SKIL: variants seen among roughly 807,000 people sequenced by gnomAD.
SKIL encodes the protein ski-like protein.
In SKIL, 20 loss-of-function variants were observed where a neutral mutation model predicts 69.6. The observed-to-expected ratio is 0.29, with a 90% CI of 0.20 to 0.42. SKIL has a LOEUF of 0.42. Among genes scored for constraint, SKIL ranks in the 10% least tolerant of loss-of-function variants. The pLI is 1.00. For synonymous variants in SKIL, 310 were observed against 279.9 expected (o/e 1.11, Z -1.08); for missense variants, 745 against 783.1 (o/e 0.95, Z 0.58).
rs1416913038 is a variant in SKIL at position 170,393,541 on chromosome 3, G to T, written c.*1124G>T. On this transcript the variant is annotated 3_prime_UTR_variant, in exon 7 of 7. Coordinates refer to ENST00000259119, the MANE Select transcript of SKIL (RefSeq NM_005414.5). The stretch of plus-strand genomic sequence containing the variant: ...TTTTAGATAAGTTTTAGAAGATAAA[G>T]GAATTCCATAGTTTCAGGAGGGACA... 2.6e-5 allele frequency: 4 copies of T among 152,078 alleles called. No homozygotes were observed. Among genetic ancestry groups the T allele is most frequent in the African/African-American group, 4.8e-5 (2 of 41,418 alleles). 9.4% of individuals were successfully genotyped at this position (152,078 alleles called of 1,614,324 possible).
At chr3:170,361,640 G>T (rs1736240475) in intron 2 of SKIL, among the ~76,000 whole-genome samples, 1 of 152,122 alleles carries the variant, frequency 6.6e-6, no homozygotes, top group Non-Finnish European at 1.5e-5. Context: ...TGTGAGAGAA[G>T]TAAGACTATT....
In SKIL at chr3:170,384,591, G is replaced by A. The variant is rs944952146; in HGVS notation, c.1255G>A (p.Val419Ile). The change falls in exon 4 of 7, where the codon GTA (valine) becomes ATA (isoleucine). Residue 419 changes from valine (V) to isoleucine (I), a missense_variant. By Grantham distance (29) the Val-to-Ile change is conservative. Coordinates refer to ENST00000259119, the MANE Select transcript of SKIL (RefSeq NM_005414.5). ...CCCAAATGTGTCACTTACTTCTGCTGTATCCCAGTCTAAAGAGCTCACAAA... is the reference window on the plus strand; with the variant it reads ...CCCAAATGTGTCACTTACTTCTGCTATATCCCAGTCTAAAGAGCTCACAAA... ...VAPNVSLTSA[V>I]SQSKELTKTE... is the part of the protein sequence containing the mutation. 1 of 1,613,088 alleles carries A rather than the reference G, an allele frequency of 6.2e-7. No individual in the cohort carries two copies. The highest frequency in any genetic ancestry group is 8.5e-7 in the Non-Finnish European group (1 of 1,179,254).
intron 6 of SKIL, among the ~76,000 whole-genome samples, chr3:170,391,573 C>T (rs895717018): frequency 3.9e-5 from 6 of 152,090 alleles, no homozygotes; most frequent in African/African-American, 1.2e-4. Flanking sequence ...CCCACCTCAG[C>T]CTCCCAAAAT....
intron 2 of SKIL, among the ~76,000 whole-genome samples, chr3:170,367,015 A>T (rs1472601134): frequency 6.6e-6 from 1 of 152,266 alleles, no homozygotes; most frequent in African/African-American, 2.4e-5. Context: ...AATCATTTGT[A>T]AATAAAATTT....
In SKIL at chr3:170,395,475, A is replaced by G. The variant is rs1395626432; in HGVS notation, c.*3058A>G. On this transcript the variant is annotated 3_prime_UTR_variant, in exon 7 of 7. Transcript: ENST00000259119. The stretch of plus-strand genomic sequence containing the variant: ...CGAATTGTAAAGCAGCTATTAAAGT[A>G]GGTGAAATAAAGTATATATTTGCCG... 6.6e-6 allele frequency: 1 copy of G among 152,170 alleles called. No individual in the cohort carries two copies. The highest frequency in any genetic ancestry group is 6.5e-5 in the Admixed American group (1 of 15,280). 9.4% of individuals were successfully genotyped at this position (152,170 alleles called of 1,614,324 possible). A position where few individuals can be genotyped will look rare whatever the true frequency, so the allele number is the denominator to read the frequency against.
chr3:170,361,007 G>T lies in SKIL; in HGVS notation c.676G>T (p.Ala226Ser). Residue 226 changes from alanine (A) to serine (S), a missense_variant, in exon 2 of 7, where the codon GCA becomes TCA. Coordinates refer to ENST00000259119, the MANE Select transcript of SKIL (RefSeq NM_005414.5). ...PSCGLITLTDAQRLCNALLRP... is the reference protein window; with the variant it reads ...PSCGLITLTDSQRLCNALLRP... ...CTGTGGGCTGATTACATTAACTGAT[G>T]CACAAAGATTATGTAATGCTTTATT... 6.2e-7 allele frequency: 1 copy of T among 1,614,122 alleles called. No individual in the cohort carries two copies. The highest frequency in any genetic ancestry group is 8.5e-7 in the Non-Finnish European group (1 of 1,180,004).
intron 2 of SKIL, among the ~76,000 whole-genome samples, chr3:170,363,597 T>C (rs1158241700): frequency 6.6e-6 from 1 of 152,128 alleles, no homozygotes; most frequent in East Asian, 1.9e-4. Flanking sequence ...GTGATTCTCC[T>C]GCCTCAGCCT....
Position 170,381,256 on chromosome 3 carries a change from T to C in SKIL, c.1111T>C (p.Ser371Pro). ...KRNQSKTDAP[S>P]GMELQSWYPV... ...TGTTTTTCTGCAGACAGATGCACCA[T>C]CAGGAATGGAATTACAGTCATGGTA... The change falls in exon 3 of 7, where the codon TCA (serine) becomes CCA (proline). Residue 371 changes from serine to proline, a missense_variant. Ser to Pro is a moderately conservative substitution (Grantham distance 74). Transcript: ENST00000259119. 6.4e-7 allele frequency: 1 copy of C among 1,564,474 alleles called. No homozygotes were observed. Among genetic ancestry groups the C allele is most frequent in the Non-Finnish European group, 8.8e-7 (1 of 1,134,826 alleles).
intron 2 of SKIL, among the ~76,000 whole-genome samples, chr3:170,366,631 C>G (rs1736526725): frequency 6.6e-6 from 1 of 152,000 alleles, no homozygotes; most frequent in African/African-American, 2.4e-5. Context: ...CGAGTTCACA[C>G]TGCCCTTCAT....
At chr3:170,387,611 C>T (rs1737701950) in intron 4 of SKIL, among the ~76,000 whole-genome samples, 1 of 151,858 alleles carries the variant, frequency 6.6e-6, no homozygotes, top group Admixed American at 6.6e-5. Flanking sequence ...ATTGGGTCTA[C>T]TTTTTGGCAA....
At chr3:170,375,781 T>A (rs1737004404) in intron 2 of SKIL, among the ~76,000 whole-genome samples, 1 of 152,008 alleles carries the variant, frequency 6.6e-6, no homozygotes. Flanking sequence ...GGTCTCTCTA[T>A]GTTGTCCAGG....
At chr3:170,362,660 C>G (rs1358898399) in intron 2 of SKIL, among the ~76,000 whole-genome samples, 2 of 151,490 alleles carry the variant, frequency 1.3e-5, no homozygotes, top group African/African-American at 4.9e-5. Context: ...ACTAAAAATA[C>G]AAAAATTAGC....
At chr3:170,358,039 G>C (rs1318253942) in intron 1 of SKIL, among the ~76,000 whole-genome samples, 1 of 152,060 alleles carries the variant, frequency 6.6e-6, no homozygotes, top group Non-Finnish European at 1.5e-5. Flanking sequence ...TGTAGTTGAC[G>C]GGAGCCGCGG....
intron 2 of SKIL, among the ~76,000 whole-genome samples, chr3:170,374,689 A>G (rs1353138732): frequency 6.6e-6 from 1 of 152,190 alleles, no homozygotes; most frequent in Non-Finnish European, 1.5e-5. Flanking sequence ...TATCATAAAC[A>G]TTGTGCTTTT....
At chr3:170,372,222 G>A (rs953957022) in intron 2 of SKIL, among the ~76,000 whole-genome samples, 3 of 152,110 alleles carry the variant, frequency 2.0e-5, no homozygotes, top group African/African-American at 7.2e-5. Flanking sequence ...AACTTTACAT[G>A]GCTTTGTTTC....
rs978431718 is a variant in SKIL, at chr3:170,391,322, CTCT to C, written c.1896+64_1896+66del. 34 of 961,184 alleles carry C rather than the reference CTCT, an allele frequency of 3.5e-5. No homozygotes were observed. In the African/African-American group the frequency reaches 4.9e-4, roughly 14 times the overall value. The allele number at this position is 961,184 out of a possible 1,614,324, so 59.5% of individuals were successfully genotyped here. On this transcript the variant is annotated intron_variant, in intron 6 of 6. Coordinates refer to ENST00000259119, the MANE Select transcript of SKIL (RefSeq NM_005414.5). Reference sequence around the variant, plus strand: ...CATGGAAATGGAAACTGTTACTTCTCTCTTTTTTTTTTTTGAGACAGAGACTGC... The same window carrying C: ...CATGGAAATGGAAACTGTTACTTCTCTTTTTTTTTTTGAGACAGAGACTGC...
intron 2 of SKIL, among the ~76,000 whole-genome samples, chr3:170,366,073 T>TTA (rs1553852103): frequency 6.6e-4 from 99 of 150,226 alleles, no homozygotes; most frequent in African/African-American, 2.3e-3. Context: ...TTTTTTTTTT[T>TTA]AAGACTGTAC....
chr3:170,370,439 GCCCCCC>G (rs34185518), intron 2 of SKIL, among the ~76,000 whole-genome samples: 9 of 11,194 alleles, frequency 8.0e-4, no homozygotes, highest in African/African-American at 2.8e-3. Context: ...GAGAGAGAGA[GCCCCCC>G]CCCCCCCCCC....
intron 6 of SKIL, among the ~76,000 whole-genome samples, 176 bp downstream of exon 6, chr3:170,391,436 G>T (rs1209394228): frequency 6.6e-6 from 1 of 151,758 alleles, no homozygotes; most frequent in African/African-American, 2.4e-5. Context: ...TCCTGCCTCA[G>T]CCTCCTGATT....
Sources: allele counts gnomAD v4.1 joint callset (sites outside exome capture counted in the v4.1 genomes callset), GRCh38; gene constraint gnomAD v4.1.1; transcripts MANE v1.5; gene names NCBI Gene and HGNC (gene_info 2026-07-23, HGNC 2026-07-21).